The following TENM3 variants were observed in gnomAD, a reference collection of about 807,000 sequenced individuals.
The protein encoded by TENM3 is teneurin transmembrane protein 3, also known as teneurin-3.
A neutral mutation model predicts 255.1 loss-of-function variants in TENM3; 63 were observed. That is an observed-to-expected ratio of 0.25 (90% CI 0.20 to 0.30). The LOEUF (loss-of-function observed/expected upper bound fraction) is 0.30, where lower values mean the gene tolerates loss of function less well. Among genes scored for constraint, TENM3 ranks in the 10% least tolerant of loss-of-function variants. The pLI is 1.00. For missense variants in TENM3, 2,929 were observed against 3,461.1 expected, an observed-to-expected ratio of 0.85 and a Z score of 3.86; for synonymous variants, 1,306 against 1,322.3, an observed-to-expected ratio of 0.99 and a Z score of 0.27.
intron 26 of TENM3, among the ~76,000 whole-genome samples, chr4:182,795,380 A>C (rs184822572): frequency 0.01 from 1,536 of 152,258 alleles, 28 homozygotes; most frequent in African/African-American, 0.035. Flanking sequence ...ATTTTCTCCC[A>C]AAATAAGGCC....
intron 3 of TENM3, among the ~76,000 whole-genome samples, chr4:182,409,650 T>C (rs1461445802): frequency 6.6e-6 from 1 of 152,188 alleles, no homozygotes; most frequent in East Asian, 1.9e-4. Context: ...CAAATAGATA[T>C]TAGCTAGAGG....
chr4:181,740,265 G>A, the TENM3 span, among the ~76,000 whole-genome samples: 1 of 152,024 alleles, frequency 6.6e-6, no homozygotes, highest in African/African-American at 2.4e-5. Context: ...CTCTATTTAT[G>A]TCTTGAAGTT....
the TENM3 span, among the ~76,000 whole-genome samples, chr4:181,982,526 T>G: frequency 6.6e-6 from 1 of 152,170 alleles, no homozygotes; most frequent in African/African-American, 2.4e-5. Flanking sequence ...ACTTAGGCAC[T>G]TCTGGAGCTA....
the TENM3 span, among the ~76,000 whole-genome samples, chr4:181,691,289 AGTGT>A: frequency 1.6e-3 from 242 of 152,056 alleles, 2 homozygotes; most frequent in African/African-American, 5.3e-3. Flanking sequence ...GTGCATAATA[AGTGT>A]GTGTATAAGT....
the TENM3 span, among the ~76,000 whole-genome samples, chr4:181,455,368 C>A: frequency 0.01 from 1,579 of 152,012 alleles, 23 homozygotes; most frequent in African/African-American, 0.031. Flanking sequence ...TTCTAACATC[C>A]CCACATGATG....
At chr4:181,711,987 A>G in the TENM3 span, among the ~76,000 whole-genome samples, 1 of 152,168 alleles carries the variant, frequency 6.6e-6, no homozygotes, top group Non-Finnish European at 1.5e-5. Flanking sequence ...TTGTTTTGAT[A>G]TATTTATTAT....
chr4:181,666,664 T>C, the TENM3 span, among the ~76,000 whole-genome samples: 1 of 152,262 alleles, frequency 6.6e-6, no homozygotes, highest in Non-Finnish European at 1.5e-5. Context: ...AACTCAACAG[T>C]AGCTGCAGCA....
the TENM3 span, among the ~76,000 whole-genome samples, chr4:181,947,309 A>G: frequency 2.6e-5 from 4 of 152,210 alleles, no homozygotes; most frequent in African/African-American, 9.6e-5. Context: ...TGAGTAACTA[A>G]CTGTCTTCTA....
At chr4:181,971,556 A>ATTTGGT in the TENM3 span, among the ~76,000 whole-genome samples, 1 of 150,922 alleles carries the variant, frequency 6.6e-6, no homozygotes, top group South Asian at 2.1e-4. Context: ...GTTGTTGGGT[A>ATTTGGT]TTTGGTTTTG....
the TENM3 span, among the ~76,000 whole-genome samples, chr4:181,622,633 G>A: frequency 2.6e-5 from 4 of 152,114 alleles, no homozygotes; most frequent in South Asian, 2.1e-4. Flanking sequence ...CTGAGATCGC[G>A]CCACTGTACC....
chr4:182,726,290 G>A (rs892276004), intron 13 of TENM3, among the ~76,000 whole-genome samples: 3 of 152,098 alleles, frequency 2.0e-5, no homozygotes, highest in African/African-American at 7.2e-5. Context: ...TCAATTTCAG[G>A]TGACAGAAAA....
the TENM3 span, among the ~76,000 whole-genome samples, chr4:181,776,847 AG>A: frequency 6.6e-6 from 1 of 152,014 alleles, no homozygotes; most frequent in Admixed American, 6.6e-5. Context: ...TTGGATGAAT[AG>A]TTTGTGAATA....
intron 5 of TENM3, among the ~76,000 whole-genome samples, chr4:182,648,576 C>A (rs892211492): frequency 1.3e-5 from 2 of 152,000 alleles, no homozygotes; most frequent in African/African-American, 2.4e-5. Context: ...TGAGCCACTG[C>A]GCCCTGCCTA....
At chr4:181,910,969 T>C in the TENM3 span, among the ~76,000 whole-genome samples, 3 of 152,180 alleles carry the variant, frequency 2.0e-5, no homozygotes, top group African/African-American at 4.8e-5. Context: ...GCAATGTGCA[T>C]CCTTTAACTT....
the TENM3 span, among the ~76,000 whole-genome samples, chr4:181,751,511 T>C: frequency 6.6e-6 from 1 of 151,684 alleles, no homozygotes; most frequent in East Asian, 1.9e-4. Context: ...AACTCTCTCC[T>C]CACAGTGTTG....
At chr4:181,960,297 A>G in the TENM3 span, among the ~76,000 whole-genome samples, 1 of 152,212 alleles carries the variant, frequency 6.6e-6, no homozygotes, top group Admixed American at 6.5e-5. Flanking sequence ...ATACTAATGT[A>G]ATGGATTCTC....
chr4:181,694,965 C>T, the TENM3 span, among the ~76,000 whole-genome samples: 547 of 150,602 alleles, frequency 3.6e-3, 3 homozygotes, highest in African/African-American at 0.013. Context: ...TCTCTCCATA[C>T]TCTTCAGTCC....
the TENM3 span, among the ~76,000 whole-genome samples, chr4:181,944,921 G>T: frequency 6.6e-6 from 1 of 151,938 alleles, no homozygotes; most frequent in African/African-American, 2.4e-5. Context: ...ATTCCACGGA[G>T]CCCTCCACTT....
the TENM3 span, among the ~76,000 whole-genome samples, chr4:181,767,662 A>G: frequency 0.041 from 6,264 of 152,208 alleles, 433 homozygotes; most frequent in African/African-American, 0.14. Flanking sequence ...AAGGGACCCA[A>G]TCATTTATAA....
Sources: gnomAD v4.1 joint callset for allele counts (sites outside exome capture counted in the v4.1 genomes callset) on GRCh38, gnomAD v4.1.1 for gene constraint, MANE v1.5 for transcripts, NCBI Gene and HGNC (gene_info 2026-07-23, HGNC 2026-07-21) for gene names.